SULT1E1: variants seen among roughly 807,000 people sequenced by gnomAD.
SULT1E1 encodes sulfotransferase family 1E member 1.
In SULT1E1, 36 loss-of-function variants were observed where a neutral mutation model predicts 33.6. The observed-to-expected ratio is 1.07, with a 90% CI of 0.82 to 1.41. SULT1E1 has a LOEUF of 1.41. Ranked by LOEUF, SULT1E1 falls within the 40% of genes most tolerant of loss-of-function variation. SULT1E1 has a pLI of 0.00. For missense variants in SULT1E1, 371 were observed against 345.7 expected, an observed-to-expected ratio of 1.07 and a Z score of -0.58; for synonymous variants, 121 against 111.7, an observed-to-expected ratio of 1.08 and a Z score of -0.53.
intron 5 of SULT1E1, among the ~76,000 whole-genome samples, chr4:69,848,259 T>G (rs1721022218): frequency 6.6e-6 from 1 of 151,828 alleles, no homozygotes. Flanking sequence ...GAGTATTTAT[T>G]ACACTATTAG....
chr4:69,855,151 G>A, intron 3 of SULT1E1, 150 bp downstream of exon 3: 1 of 801,814 alleles, frequency 1.2e-6, no homozygotes, highest in Admixed American at 3.0e-5. Context: ...AGCCTGTCAA[G>A]ATTTAAATTT....
chr4:69,841,830 G>A lies in SULT1E1; in HGVS notation c.*164C>T. On this transcript the variant is annotated 3_prime_UTR_variant, in exon 8 of 8. Transcript: ENST00000226444. ...TCCTCCAGCCTAGGCAACAGAGTGA[G>A]ACTCTGTCTCAAAAAAAAAAAAAAA... 3 of 458,638 alleles carry A rather than the reference G, an allele frequency of 6.5e-6. No individual in the cohort carries two copies. The highest frequency in any genetic ancestry group is 2.6e-5 in the South Asian group (1 of 39,152). 28.4% of individuals were successfully genotyped at this position (458,638 alleles called of 1,614,324 possible).
rs1346200852 is a variant in SULT1E1 at position 69,855,352 on chromosome 4, T to C, written c.220A>G (p.Ile74Val). Residue 74 changes from isoleucine to valine, a missense_variant, in exon 3 of 8, where the codon ATT becomes GTT. Physicochemically the swap from Ile to Val is conservative, Grantham distance 29. Transcript: ENST00000226444. Reference protein sequence around the residue: ...GDVEKCKEDVIFNRIPFLECR... With the variant: ...GDVEKCKEDVVFNRIPFLECR... ...TCCAGGAAAGGTATTCGATTAAAAA[T>C]TACATCTTCTTTGCACTTTTCCACA... 1.2e-6 allele frequency: 2 copies of C among 1,613,158 alleles called. No homozygotes were observed. The highest frequency in any genetic ancestry group is 1.7e-6 in the Non-Finnish European group (2 of 1,179,594).
In SULT1E1 at chr4:69,841,529, A is replaced by C. The variant is rs1000032643; in HGVS notation, c.*465T>G. ...TCAAGGGTTTCAGACCAGCCTGGAC[A>C]CTATAGCAAGCCCCTGTCTATACAA... On this transcript the variant is annotated 3_prime_UTR_variant, in exon 8 of 8. Transcript: ENST00000226444. 3 of 154,176 alleles carry C rather than the reference A, an allele frequency of 1.9e-5. No individual in the cohort carries two copies. The highest frequency in any genetic ancestry group is 7.2e-5 in the African/African-American group (3 of 41,462). 9.6% of individuals were successfully genotyped at this position (154,176 alleles called of 1,614,324 possible).
intron 4 of SULT1E1, among the ~76,000 whole-genome samples, chr4:69,850,832 T>C (rs1165482036): frequency 6.6e-6 from 1 of 152,130 alleles, no homozygotes; most frequent in Admixed American, 6.6e-5. Flanking sequence ...GTGATCTCTC[T>C]TTCCCTAAAC....
downstream of SULT1E1, among the ~76,000 whole-genome samples, chr4:69,838,174 T>C (rs1720824139): frequency 6.6e-6 from 1 of 152,190 alleles, no homozygotes; most frequent in African/African-American, 2.4e-5. Context: ...TTCCCATCTT[T>C]GTCAGTCTTT....
In SULT1E1 at chr4:69,844,182, AT is replaced by A; in HGVS notation, c.750del (p.Lys250AsnfsTer6). 1 of 1,613,838 alleles carries A rather than the reference AT, an allele frequency of 6.2e-7. No homozygotes were observed. ...TCACCCTTTCTCATGAAGGGCGACA[AT>A]TTCTGGTTCATAATTTCGTCTGGCA... ...TTLPDEIMNQ[K>X]LSPFMRKGIT... On this transcript the variant is annotated frameshift_variant, in exon 7 of 8. Coordinates refer to ENST00000226444, the MANE Select transcript of SULT1E1 (RefSeq NM_005420.3). LOFTEE classifies it low-confidence loss of function (END_TRUNC).
chr4:69,844,017 TA>T, intron 7 of SULT1E1, 143 bp downstream of exon 7: 1 of 706,600 alleles, frequency 1.4e-6, no homozygotes, highest in Non-Finnish European at 2.5e-6. Flanking sequence ...AAGTGTAACT[TA>T]AAGAGTGTAT....
rs578261942 is a variant in SULT1E1, at chr4:69,858,931, A to G, written c.-10+1118T>C. On this transcript the variant is annotated intron_variant, in intron 1 of 7. Coordinates refer to ENST00000226444, the MANE Select transcript of SULT1E1 (RefSeq NM_005420.3). ...AGCTGGGAGTGGTAGATTTATCATT[A>G]AGTGGTTGGCTGACTTCCAGCTACT... Among the ~76,000 whole-genome samples the G allele has an allele frequency of 5.5e-4, 83 of 152,228 alleles. 3 individuals are homozygous for G. In the South Asian group the frequency reaches 0.017, roughly 31 times the overall value.
chr4:69,825,367 A>G, the SULT1E1 span, among the ~76,000 whole-genome samples: 235 of 152,362 alleles, frequency 1.5e-3, 1 homozygote, highest in Non-Finnish European at 2.7e-3. Flanking sequence ...AGTGAGACCA[A>G]GAACCCACTG....
chr4:69,826,867 C>T, the SULT1E1 span, among the ~76,000 whole-genome samples: 3 of 152,106 alleles, frequency 2.0e-5, no homozygotes, highest in African/African-American at 7.2e-5. Flanking sequence ...ATTTACATCC[C>T]ACAGGAGGAC....
At chr4:69,856,539 T>C (rs775538525) in intron 2 of SULT1E1, among the ~76,000 whole-genome samples, 3 of 152,122 alleles carry the variant, frequency 2.0e-5, no homozygotes, top group South Asian at 2.1e-4. Context: ...GCAAGAGAGA[T>C]TGAATCTAGA....
At chr4:69,857,896 T>G (rs11573750) in intron 1 of SULT1E1, among the ~76,000 whole-genome samples, 2,591 of 152,226 alleles carry the variant, frequency 0.017, 68 homozygotes, top group African/African-American at 0.058. Flanking sequence ...AGTAAAATGC[T>G]TAAAACTAAA....
the SULT1E1 span, among the ~76,000 whole-genome samples, chr4:69,826,618 T>C: frequency 2.0e-5 from 3 of 152,102 alleles, no homozygotes; most frequent in African/African-American, 4.8e-5. Context: ...TCCTAACTCA[T>C]TGGGACCAAT....
chr4:69,823,826 T>C, the SULT1E1 span, among the ~76,000 whole-genome samples: 67 of 152,260 alleles, frequency 4.4e-4, no homozygotes, highest in Middle Eastern at 6.8e-3. Context: ...CCTCTACTAC[T>C]GAGTCCAAAG....
chr4:69,829,163 C>T, the SULT1E1 span, among the ~76,000 whole-genome samples: 1 of 152,192 alleles, frequency 6.6e-6, no homozygotes, highest in Non-Finnish European at 1.5e-5. Context: ...ACAGGTTTGG[C>T]ACCACTGGGT....
At chr4:69,853,507 A>G (rs1406726332) in intron 4 of SULT1E1, among the ~76,000 whole-genome samples, 1 of 152,110 alleles carries the variant, frequency 6.6e-6, no homozygotes, top group Non-Finnish European at 1.5e-5. Context: ...TCATCTCTGA[A>G]TTGTCATCAC....
chr4:69,827,281 T>C, the SULT1E1 span, among the ~76,000 whole-genome samples: 1 of 152,138 alleles, frequency 6.6e-6, no homozygotes, highest in Admixed American at 6.5e-5. Flanking sequence ...ATACCTGATA[T>C]CTTAGTCAAG....
At position 69,842,327 on chromosome 4, in the gene SULT1E1, T is replaced by C. The variant is rs557235695; in HGVS notation, c.773-221A>G. Among the ~76,000 whole-genome samples the C allele has an allele frequency of 1.7e-4, 26 of 152,346 alleles. No homozygotes were observed. In the East Asian group the frequency reaches 2.9e-3, roughly 17 times the overall value. ...AACAACAAATTTAATTCTCTGATTCTTTCTTCTTATGCCATTTACTTTATT... is the reference window on the plus strand; with the variant it reads ...AACAACAAATTTAATTCTCTGATTCCTTCTTCTTATGCCATTTACTTTATT... On this transcript the variant is annotated intron_variant, in intron 7 of 7. Transcript: ENST00000226444.
Sources: gnomAD v4.1 joint callset for allele counts (sites outside exome capture counted in the v4.1 genomes callset) on GRCh38, gnomAD v4.1.1 for gene constraint, MANE v1.5 for transcripts, NCBI Gene and HGNC (gene_info 2026-07-23, HGNC 2026-07-21) for gene names.